Variants in ITGBL1 observed in about 807,000 individuals in gnomAD.
The protein encoded by ITGBL1 is integrin beta-like protein 1.
ITGBL1 carries 51 observed loss-of-function variants against 68.5 expected under a neutral mutation model. That is an observed-to-expected ratio of 0.74 (90% CI 0.59 to 0.94). The LOEUF (loss-of-function observed/expected upper bound fraction) is 0.94, where lower values mean the gene tolerates loss of function less well. Among genes scored for constraint, ITGBL1 ranks in the 40% least tolerant of loss-of-function variants. ITGBL1 has a pLI of 0.00. For synonymous variants in ITGBL1, 209 were observed against 227.3 expected (o/e 0.92, Z 0.72); for missense variants, 649 against 647.4 (o/e 1.00, Z -0.03).
chr13:101,461,042 C>A, intron 2 of ITGBL1, among the ~76,000 whole-genome samples: 1 of 152,054 alleles, frequency 6.6e-6, no homozygotes. Context: ...ATCCCTGCAC[C>A]TTGATGATCT....
At chr13:101,545,927 CA>C (rs1566725675) in intron 2 of ITGBL1, among the ~76,000 whole-genome samples, 1 of 152,106 alleles carries the variant, frequency 6.6e-6, no homozygotes, top group African/African-American at 2.4e-5. Context: ...AGGCAATCCC[CA>C]AAGTCCCACA....
At chr13:101,465,230 T>G (rs557026862) in intron 2 of ITGBL1, among the ~76,000 whole-genome samples, 1 of 152,332 alleles carries the variant, frequency 6.6e-6, no homozygotes, top group East Asian at 1.9e-4. Flanking sequence ...TTCTTATGAC[T>G]AATATATTTT....
chr13:101,557,217 A>G (rs531084754), intron 2 of ITGBL1, among the ~76,000 whole-genome samples: 7 of 152,370 alleles, frequency 4.6e-5, no homozygotes, highest in Admixed American at 1.3e-4. Context: ...TCAAAGATGC[A>G]CATTCAAGAT....
At chr13:101,566,240 A>G (rs2050181504) in intron 2 of ITGBL1, among the ~76,000 whole-genome samples, 1 of 152,140 alleles carries the variant, frequency 6.6e-6, no homozygotes, top group South Asian at 2.1e-4. Flanking sequence ...TTAAAGAGTC[A>G]ACACAGTTTC....
In ITGBL1 at chr13:101,663,510, A is replaced by T. The variant is rs567863736; in HGVS notation, c.1016-29075A>T. Among the ~76,000 whole-genome samples, 21 of 152,308 alleles carry T rather than the reference A, an allele frequency of 1.4e-4. No individual in the cohort carries two copies. The East Asian group carries it at 4.1e-3, about 29-fold the overall frequency. On this transcript the variant is annotated intron_variant, in intron 7 of 10. Coordinates refer to ENST00000376180, the MANE Select transcript of ITGBL1 (RefSeq NM_004791.3). ...AGTGCTTGGCCCATACCAACCATTG[A>T]TTCTTACTTTCCTATCAGGCCTGGG...
intron 2 of ITGBL1, among the ~76,000 whole-genome samples, chr13:101,484,515 AT>A (rs746019251): frequency 3.9e-5 from 6 of 152,302 alleles, no homozygotes; most frequent in Non-Finnish European, 8.8e-5. Context: ...TTAACAGCAG[AT>A]TCACATCACA....
intron 7 of ITGBL1, among the ~76,000 whole-genome samples, chr13:101,656,102 T>C (rs1232033429): frequency 1.3e-5 from 2 of 152,182 alleles, no homozygotes; most frequent in African/African-American, 2.4e-5. Context: ...CGTTTTCTGA[T>C]TGACAATTGG....
At chr13:101,460,230 G>A (rs9585700) in intron 2 of ITGBL1, among the ~76,000 whole-genome samples, 12,072 of 152,018 alleles carry the variant, frequency 0.079, 1,412 homozygotes, top group African/African-American at 0.25. Context: ...TCTCTGAGTC[G>A]GAGGCACCAA....
intron 7 of ITGBL1, among the ~76,000 whole-genome samples, chr13:101,681,838 G>C (rs2033651211): frequency 6.6e-6 from 1 of 152,258 alleles, no homozygotes; most frequent in African/African-American, 2.4e-5. Context: ...GTATATGTGT[G>C]TGTGTGTTGG....
At chr13:101,581,712 A>G (rs2050460700) in intron 5 of ITGBL1, among the ~76,000 whole-genome samples, 1 of 152,218 alleles carries the variant, frequency 6.6e-6, no homozygotes, top group East Asian at 1.9e-4. Context: ...GTAATTTTTC[A>G]AAAACATAAA....
chr13:101,663,193 T>C (rs1190653375), intron 7 of ITGBL1, among the ~76,000 whole-genome samples: 3 of 152,150 alleles, frequency 2.0e-5, no homozygotes, highest in Non-Finnish European at 4.4e-5. Context: ...TAATAGTAAA[T>C]GTCTTTGGGA....
At chr13:101,514,214 A>G (rs971350186) in intron 2 of ITGBL1, among the ~76,000 whole-genome samples, 3 of 152,058 alleles carry the variant, frequency 2.0e-5, no homozygotes, top group Non-Finnish European at 4.4e-5. Context: ...GGTGTATGCT[A>G]ATTTAATAGT....
chr13:101,618,451 A>G (rs921145624), intron 7 of ITGBL1, among the ~76,000 whole-genome samples: 1 of 152,190 alleles, frequency 6.6e-6, no homozygotes, highest in Non-Finnish European at 1.5e-5. Context: ...ACTATACAGC[A>G]TCTATTTTAA....
intron 7 of ITGBL1, among the ~76,000 whole-genome samples, chr13:101,605,663 T>C (rs1208818217): frequency 6.6e-6 from 1 of 151,676 alleles, no homozygotes; most frequent in East Asian, 1.9e-4. Context: ...TGCACGTATG[T>C]AGACATGTAT....
intron 7 of ITGBL1, among the ~76,000 whole-genome samples, chr13:101,690,195 C>A (rs116148583): frequency 6.6e-6 from 1 of 152,072 alleles, no homozygotes; most frequent in South Asian, 2.1e-4. Context: ...AATGTGCCGA[C>A]GCCAGAATAT....
intron 2 of ITGBL1, among the ~76,000 whole-genome samples, chr13:101,485,665 G>T (rs546154634): frequency 1.3e-5 from 2 of 152,026 alleles, no homozygotes; most frequent in East Asian, 1.9e-4. Flanking sequence ...GGTGGCAGGC[G>T]CCCGTAGTCC....
chr13:101,533,304 T>G (rs1385291458), intron 2 of ITGBL1, among the ~76,000 whole-genome samples: 1 of 152,200 alleles, frequency 6.6e-6, no homozygotes, highest in Non-Finnish European at 1.5e-5. Context: ...CATGCTGCAG[T>G]AACAACATTA....
Position 101,583,332 on chromosome 13 carries a change from C to G in ITGBL1, c.844C>G (p.Arg282Gly), listed in dbSNP as rs1200370160. 1.3e-6 allele frequency: 2 copies of G among 1,592,976 alleles called. No homozygotes were observed. Among genetic ancestry groups the G allele is most frequent in the Non-Finnish European group, 8.5e-7 (1 of 1,170,782 alleles). The change falls in exon 6 of 11, where the codon CGA (arginine) becomes GGA (glycine). Residue 282 changes from arginine to glycine, a missense_variant. Coordinates refer to ENST00000376180, the MANE Select transcript of ITGBL1 (RefSeq NM_004791.3). ...GAGGGACTGTAGAGCTGTCTATGAC[C>G]GATATTCTGATGACTTCTGTTCAGG... ...DERDCRAVYD[R>G]YSDDFCSGHG...
At chr13:101,705,482 C>T (rs2034242048) in intron 8 of ITGBL1, among the ~76,000 whole-genome samples, 1 of 152,058 alleles carries the variant, frequency 6.6e-6, no homozygotes, top group Admixed American at 6.6e-5. Flanking sequence ...CTGTATTTCT[C>T]ATGCCAAAAC....
Sources: gnomAD v4.1 joint callset for allele counts (sites outside exome capture counted in the v4.1 genomes callset) on GRCh38, gnomAD v4.1.1 for gene constraint, MANE v1.5 for transcripts, NCBI Gene and HGNC (gene_info 2026-07-23, HGNC 2026-07-21) for gene names.